Variants in COL18A1 observed in about 807,000 individuals in gnomAD.
COL18A1 encodes collagen type XVIII alpha 1 chain.
COL18A1 carries 133 observed loss-of-function variants against 168.0 expected under a neutral mutation model. The observed-to-expected ratio is 0.79, with a 90% CI of 0.69 to 0.91. The LOEUF is 0.91. Ranked by LOEUF, COL18A1 falls within the 40% of genes least tolerant of loss-of-function variation. The probability of loss-of-function intolerance (pLI) is 0.00; values close to 1 mark genes in which losing one functional copy is unlikely to be tolerated. For synonymous variants in COL18A1, 949 were observed against 809.0 expected, an observed-to-expected ratio of 1.17 and a Z score of -2.94; for missense variants, 2,126 against 1,925.4, an observed-to-expected ratio of 1.10 and a Z score of -1.95.
At chr21:45,456,427 G>A (rs930096071) in intron 2 of COL18A1, 2 of 1,544,430 alleles carry the variant, frequency 1.3e-6, no homozygotes, top group African/African-American at 1.4e-5. Flanking sequence ...CTTTAACCAG[G>A]GACAGCGGTG....
intron 2 of COL18A1, among the ~76,000 whole-genome samples, chr21:45,432,853 C>T (rs951507043): frequency 5.9e-5 from 9 of 152,310 alleles, no homozygotes; most frequent in East Asian, 1.9e-4. Flanking sequence ...TCGGTACAGC[C>T]GGGAGGGGCC....
intron 26 of COL18A1, 72 bp downstream of exon 26, chr21:45,493,647 C>T: frequency 8.6e-7 from 1 of 1,159,448 alleles, no homozygotes; most frequent in South Asian, 1.3e-5. Flanking sequence ...TGGGGAGGGT[C>T]TTCCTGAGGG....
Position 45,471,569 on chromosome 21 carries a change from C to T in COL18A1, c.652-2326C>T, listed in dbSNP as rs144384784. Among the ~76,000 whole-genome samples, 3 of 152,252 alleles carry T rather than the reference C, an allele frequency of 2.0e-5. No individual in the cohort carries two copies. The highest frequency in any genetic ancestry group is 1.3e-4 in the Admixed American group (2 of 15,288). On this transcript the variant is annotated intron_variant, in intron 3 of 41. Coordinates refer to ENST00000651438, the MANE Select transcript of COL18A1 (RefSeq NM_001379500.1). The surrounding 1 kb of genome is among the most constrained non-coding windows in gnomAD (Gnocchi z 4.4). The stretch of plus-strand genomic sequence containing the variant: ...CGCAGCTGGGTCCAACAGAGCCCTC[C>T]GGAGCATTGGTTGTGTTCCTCGTCC...
At chr21:45,504,718 C>T (rs559142395) in intron 34 of COL18A1, among the ~76,000 whole-genome samples, 162 bp downstream of exon 34, 1 of 152,138 alleles carries the variant, frequency 6.6e-6, no homozygotes, top group South Asian at 2.1e-4. Context: ...ACGCAGCAGG[C>T]CACATGGGTG....
Position 45,430,667 on chromosome 21 carries a change from C to T in COL18A1, c.106+25194C>T, listed in dbSNP as rs76383472. Among the ~76,000 whole-genome samples, 506 of 152,318 alleles carry T rather than the reference C, an allele frequency of 3.3e-3. 6 individuals carry two copies. The highest frequency in any genetic ancestry group is 0.011 in the African/African-American group (474 of 41,550). On this transcript the variant is annotated intron_variant, in intron 2 of 41. Coordinates refer to ENST00000651438, the MANE Select transcript of COL18A1 (RefSeq NM_001379500.1). The stretch of plus-strand genomic sequence containing the variant: ...CCAAGAATGTGGAGATGGCGCGTCT[C>T]GGCCCGGGGTCTCGTGGCTGGTCTG...
intron 2 of COL18A1, among the ~76,000 whole-genome samples, chr21:45,416,303 G>A (rs1187776286): frequency 1.3e-5 from 2 of 152,222 alleles, no homozygotes; most frequent in Non-Finnish European, 2.9e-5. Context: ...GGAGACTGGG[G>A]CAGCACACAC....
intron 2 of COL18A1, among the ~76,000 whole-genome samples, chr21:45,418,768 G>GC (rs1486928429): frequency 5.3e-5 from 8 of 150,656 alleles, no homozygotes; most frequent in South Asian, 2.1e-4. Flanking sequence ...GGGCCTCCAA[G>GC]GCTGTCTCTG....
intron 2 of COL18A1, among the ~76,000 whole-genome samples, chr21:45,436,706 G>T (rs1379935990): frequency 6.6e-6 from 1 of 151,782 alleles, no homozygotes; most frequent in African/African-American, 2.4e-5. Flanking sequence ...CTGCTCAGGG[G>T]ACTGCTGGTG....
chr21:45,504,688 G>T (rs1419510483), intron 34 of COL18A1, 132 bp downstream of exon 34: 6 of 775,944 alleles, frequency 7.7e-6, no homozygotes, highest in African/African-American at 3.5e-5. Context: ...GCCCCGACAT[G>T]TCCCTGTCCC....
chr21:45,444,369 G>A (rs1244093556), intron 2 of COL18A1, among the ~76,000 whole-genome samples: 1 of 152,154 alleles, frequency 6.6e-6, no homozygotes, highest in African/African-American at 2.4e-5. Flanking sequence ...AGTGAGGTGT[G>A]GGATGTGCAG....
chr21:45,475,777 C>T (rs978580709), intron 5 of COL18A1, among the ~76,000 whole-genome samples: 3 of 152,368 alleles, frequency 2.0e-5, no homozygotes, highest in African/African-American at 2.4e-5. Context: ...TCCTTTAAAA[C>T]GAGGTCCTGC....
At chr21:45,458,539 C>A (rs1034664443) in intron 2 of COL18A1, among the ~76,000 whole-genome samples, 1 of 152,206 alleles carries the variant, frequency 6.6e-6, no homozygotes, top group Non-Finnish European at 1.5e-5. Context: ...AAATGCCCAG[C>A]AAGCACCAGC....
intron 10 of COL18A1, 32 bp downstream of exon 10, chr21:45,479,996 CT>C: frequency 6.2e-7 from 1 of 1,613,812 alleles, no homozygotes; most frequent in Non-Finnish European, 8.5e-7. Context: ...GGGCCCCTTC[CT>C]GTGTTGGCCC....
intron 17 of COL18A1, 22 bp from the exon 18 acceptor site, chr21:45,488,394 ACT>A: frequency 6.2e-7 from 1 of 1,613,552 alleles, no homozygotes; most frequent in Non-Finnish European, 8.5e-7. Flanking sequence ...CTGCACTAAC[ACT>A]GTGTCTCCTC....
rs1326169202 is a variant in COL18A1, at chr21:45,423,505, C to G, written c.106+18032C>G. Among the ~76,000 whole-genome samples, 1 of 151,198 alleles carries G rather than the reference C, an allele frequency of 6.6e-6. No individual in the cohort carries two copies. Among genetic ancestry groups the G allele is most frequent in the Non-Finnish European group, 1.5e-5 (1 of 67,806 alleles). ...GGCGCCCGCCCCCCGCCCCCCGCCCCCCGGAGGGCCCGGCTCCAAGGGTCA... is the reference window on the plus strand; with the variant it reads ...GGCGCCCGCCCCCCGCCCCCCGCCCGCCGGAGGGCCCGGCTCCAAGGGTCA... On this transcript the variant is annotated intron_variant, in intron 2 of 41. Coordinates refer to ENST00000651438, the MANE Select transcript of COL18A1 (RefSeq NM_001379500.1). The surrounding 1 kb of genome is among the most constrained non-coding windows in gnomAD (Gnocchi z 4.0).
At chr21:45,465,743 T>C (rs954132486) in intron 2 of COL18A1, among the ~76,000 whole-genome samples, 2 of 152,032 alleles carry the variant, frequency 1.3e-5, no homozygotes, top group African/African-American at 4.8e-5. Context: ...CCAGGCCCTG[T>C]GCCCCGAGGA....
At chr21:45,427,534 G>A (rs906553578) in intron 2 of COL18A1, among the ~76,000 whole-genome samples, 6 of 152,150 alleles carry the variant, frequency 3.9e-5, no homozygotes, top group African/African-American at 9.7e-5. Flanking sequence ...CTTGCTCCGC[G>A]GCCACCCCTG....
At position 45,510,186 on chromosome 21, in the gene COL18A1, G is replaced by C; in HGVS notation, c.3618G>C (p.Leu1206=). ...TGGCGGGCACCTTCCGCGCCTTCCTGTCCTCGCGCCTGCAGGACCTGTACA... is the reference window on the plus strand; with the variant it reads ...TGGCGGGCACCTTCCGCGCCTTCCTCTCCTCGCGCCTGCAGGACCTGTACA... ...VGLAGTFRAF[L]SSRLQDLYSI... is the part of the protein sequence containing the mutation. Residue 1206 remains leucine, a synonymous_variant, in exon 40 of 42, where the codon CTG becomes CTC. Transcript: ENST00000651438. 5 of 1,598,612 alleles carry C rather than the reference G, an allele frequency of 3.1e-6. No individual in the cohort carries two copies. The highest frequency in any genetic ancestry group is 1.1e-5 in the South Asian group (1 of 89,048).
chr21:45,480,991 G>C, intron 13 of COL18A1, 133 bp downstream of exon 13: 1 of 1,358,664 alleles, frequency 7.4e-7, no homozygotes, highest in Non-Finnish European at 1.0e-6. Context: ...TCCTCTAGGA[G>C]CTGGCGGGCA....
Sources: allele counts gnomAD v4.1 joint callset (sites outside exome capture counted in the v4.1 genomes callset), GRCh38; gene constraint gnomAD v4.1.1; non-coding constraint Gnocchi (gnomAD v3.1); transcripts MANE v1.5; gene names NCBI Gene and HGNC (gene_info 2026-07-23, HGNC 2026-07-21).